The following NFIA variants were observed in gnomAD, a reference collection of about 807,000 sequenced individuals.
NFIA encodes nuclear factor 1 A-type.
A neutral mutation model predicts 62.8 loss-of-function variants in NFIA; 8 were observed. The ratio of observed to expected loss-of-function variants is 0.13; its 90% CI spans 0.07 to 0.23. The LOEUF is 0.23. NFIA is among the 10% of genes least tolerant of loss of function. The pLI, the probability that NFIA is intolerant of heterozygous loss-of-function variation, is 1.00. For synonymous variants in NFIA, 235 were observed against 238.1 expected, an observed-to-expected ratio of 0.99 and a Z score of 0.12; for missense variants, 410 against 642.1, an observed-to-expected ratio of 0.64 and a Z score of 3.91.
In NFIA at chr1:61,458,207, AAAAG is replaced by A. The variant is rs557608842; in HGVS notation, c.*2891_*2894del. On this transcript the variant is annotated 3_prime_UTR_variant, in exon 11 of 11. Coordinates refer to ENST00000403491, the MANE Select transcript of NFIA (RefSeq NM_001134673.4). ...GCACTAAAAAATGAAAAAAAGGAAA[AAAAG>A]AAAAAAAAAAAGAAAAAATAGCAGC... The A allele has an allele frequency of 3.2e-3, 453 of 142,450 alleles. 3 individuals are homozygous for A. Among genetic ancestry groups the A allele is most frequent in the African/African-American group, 0.013 (425 of 33,932 alleles). The allele number at this position is 142,450 out of a possible 1,614,324, so 8.8% of individuals were successfully genotyped here.
intron 2 of NFIA, among the ~76,000 whole-genome samples, chr1:61,123,217 G>A (rs1349870330): frequency 6.6e-6 from 1 of 152,194 alleles, no homozygotes; most frequent in African/African-American, 2.4e-5. Flanking sequence ...AGAGCCCACA[G>A]CCAGGGCGGG....
At chr1:61,323,455 A>G (rs1660777009) in intron 3 of NFIA, among the ~76,000 whole-genome samples, 1 of 152,198 alleles carries the variant, frequency 6.6e-6, no homozygotes, top group African/African-American at 2.4e-5. Context: ...AATCTCACAA[A>G]CAGAATATAT....
intron 3 of NFIA, among the ~76,000 whole-genome samples, chr1:61,278,833 A>G (rs1413663719): frequency 4.6e-5 from 7 of 152,150 alleles, no homozygotes; most frequent in Non-Finnish European, 5.9e-5. Context: ...CCTGCATTCA[A>G]ATTCTGCCTC....
chr1:61,438,958 G>C (rs1667453640), intron 10 of NFIA, among the ~76,000 whole-genome samples: 1 of 151,052 alleles, frequency 6.6e-6, no homozygotes, highest in Non-Finnish European at 1.5e-5. Flanking sequence ...TTTAGCCAAG[G>C]TGAAGGCTTC....
intron 2 of NFIA, among the ~76,000 whole-genome samples, chr1:61,100,047 C>G (rs1367835340): frequency 6.6e-6 from 1 of 152,148 alleles, no homozygotes; most frequent in Non-Finnish European, 1.5e-5. Context: ...GAAAAATATT[C>G]TCTGCAAATA....
chr1:61,285,477 A>G (rs912790469), intron 3 of NFIA, among the ~76,000 whole-genome samples: 3 of 152,178 alleles, frequency 2.0e-5, no homozygotes, highest in Admixed American at 2.0e-4. Flanking sequence ...GGGGATTTGG[A>G]GTCACTAATC....
intron 2 of NFIA, among the ~76,000 whole-genome samples, chr1:61,128,926 T>TTG (rs1343572425): frequency 8.5e-5 from 11 of 129,674 alleles, no homozygotes; most frequent in Admixed American, 6.3e-4. Flanking sequence ...TTTTTTTTTT[T>TTG]TTTTTTTTTT....
chr1:61,338,068 G>A (rs185038068), intron 4 of NFIA, among the ~76,000 whole-genome samples: 453 of 152,246 alleles, frequency 3.0e-3, no homozygotes, highest in Non-Finnish European at 5.0e-3. Context: ...TTCTAGCGGC[G>A]GTTTGTACAC....
chr1:61,419,202 G>C (rs1011212036), intron 9 of NFIA, among the ~76,000 whole-genome samples: 1 of 152,224 alleles, frequency 6.6e-6, no homozygotes, highest in Admixed American at 6.5e-5. Context: ...CAGCACTTTG[G>C]GAGGCCATCG....
chr1:61,116,500 GT>G (rs1459077787), intron 2 of NFIA, among the ~76,000 whole-genome samples: 1 of 151,844 alleles, frequency 6.6e-6, no homozygotes, highest in Non-Finnish European at 1.5e-5. Flanking sequence ...GTGAAAAGCG[GT>G]TTTTTGATGC....
chr1:61,088,252 A>T lies in NFIA; in HGVS notation c.131A>T (p.His44Leu). 2 of 1,613,720 alleles carry T rather than the reference A, an allele frequency of 1.2e-6. No individual in the cohort carries two copies. Among genetic ancestry groups the T allele is most frequent in the Non-Finnish European group, 1.7e-6 (2 of 1,179,952 alleles). Residue 44 changes from histidine (H) to leucine (L), a missense_variant, in exon 2 of 11, where the codon CAT becomes CTT. His to Leu is a moderately conservative substitution (Grantham distance 99, BLOSUM62 -3). Transcript: ENST00000403491. The surrounding 1 kb of genome is among the most constrained non-coding windows in gnomAD (Gnocchi z 4.5). ...CGAAAACGAAAATACTTCAAAAAAC[A>T]TGAAAAGCGTATGTCAAAAGAAGAA... ...QARKRKYFKK[H>L]EKRMSKEEER...
chr1:61,358,779 T>C (rs1407179556), intron 5 of NFIA, among the ~76,000 whole-genome samples: 1 of 152,176 alleles, frequency 6.6e-6, no homozygotes, highest in Non-Finnish European at 1.5e-5. Flanking sequence ...GGTTCATTGC[T>C]GATGGCCAGG....
chr1:61,381,187 G>A (rs1664393839), intron 6 of NFIA, among the ~76,000 whole-genome samples: 1 of 152,016 alleles, frequency 6.6e-6, no homozygotes, highest in Admixed American at 6.6e-5. Flanking sequence ...ATGTAGTTCA[G>A]GCATTGGACT....
chr1:61,132,557 T>G (rs1159033504), intron 2 of NFIA: 2 of 152,162 alleles, frequency 1.3e-5, no homozygotes, highest in African/African-American at 4.8e-5. Context: ...AAAGATAGTG[T>G]CTTTTGGCAT....
At chr1:61,223,742 A>C (rs929391190) in intron 2 of NFIA, among the ~76,000 whole-genome samples, 1 of 152,016 alleles carries the variant, frequency 6.6e-6, no homozygotes, top group Non-Finnish European at 1.5e-5. Flanking sequence ...CTGTATTTCT[A>C]TTTATTAAAA....
At chr1:61,388,048 A>G (rs146391721) in intron 7 of NFIA, among the ~76,000 whole-genome samples, 1 of 152,320 alleles carries the variant, frequency 6.6e-6, no homozygotes, top group Non-Finnish European at 1.5e-5. Context: ...CCCCTCTCTG[A>G]TAGTGGCTTT....
intron 2 of NFIA, among the ~76,000 whole-genome samples, chr1:61,113,567 C>CT (rs1207335569): frequency 1.5e-5 from 2 of 130,590 alleles, no homozygotes; most frequent in African/African-American, 5.8e-5. Context: ...GCACTCCAGC[C>CT]TGGGCAACAA....
rs547466458 is a variant in NFIA at position 61,460,163 on chromosome 1, C to T, written c.*4843C>T. 3.3e-5 allele frequency: 5 copies of T among 152,330 alleles called. No individual in the cohort carries two copies. The highest frequency in any genetic ancestry group is 2.0e-4 in the Admixed American group (3 of 15,304). The allele number at this position is 152,330 out of a possible 1,614,324, so 9.4% of individuals were successfully genotyped here. On this transcript the variant is annotated 3_prime_UTR_variant, in exon 11 of 11. Transcript: ENST00000403491. ...AAAAGGCTTCCAAGGCCAATTCTGTCTTGAAGTCAATGCATGTATTTACTG... is the reference window on the plus strand; with the variant it reads ...AAAAGGCTTCCAAGGCCAATTCTGTTTTGAAGTCAATGCATGTATTTACTG...
At chr1:61,165,502 A>T (rs1006288109) in intron 2 of NFIA, among the ~76,000 whole-genome samples, 1 of 152,214 alleles carries the variant, frequency 6.6e-6, no homozygotes, top group East Asian at 1.9e-4. Flanking sequence ...AAGAACTCCA[A>T]ATCACAGCTA....
Sources: allele counts gnomAD v4.1 joint callset (sites outside exome capture counted in the v4.1 genomes callset), GRCh38; gene constraint gnomAD v4.1.1; non-coding constraint Gnocchi (gnomAD v3.1); transcripts MANE v1.5; gene names NCBI Gene and HGNC (gene_info 2026-07-23, HGNC 2026-07-21).